The following VMP1 variants were observed in gnomAD, a reference collection of about 807,000 sequenced individuals.
The protein encoded by VMP1 is ectopic P-granules autophagy protein 3 homolog.
Under a neutral mutation model 56.0 loss-of-function variants are expected in VMP1, and 11 were observed. The ratio of observed to expected loss-of-function variants is 0.20; its 90% CI spans 0.12 to 0.32. The LOEUF (loss-of-function observed/expected upper bound fraction) is 0.32, where lower values mean the gene tolerates loss of function less well. Among genes scored for constraint, VMP1 ranks in the 10% least tolerant of loss-of-function variants. The pLI is 1.00. For synonymous variants in VMP1, 149 were observed against 165.0 expected, an observed-to-expected ratio of 0.90 and a Z score of 0.74; for missense variants, 296 against 490.3, an observed-to-expected ratio of 0.60 and a Z score of 3.74.
rs1293561997 is a variant in VMP1, at chr17:59,734,126, G to C, written c.77-1212G>C. 4.6e-5 allele frequency among the ~76,000 whole-genome samples: 7 copies of C among 152,120 alleles called. No homozygotes were observed. The East Asian group carries it at 1.3e-3, about 29-fold the overall frequency. On this transcript the variant is annotated intron_variant, in intron 2 of 11. Coordinates refer to ENST00000262291, the MANE Select transcript of VMP1 (RefSeq NM_030938.5). ...CCAAATTCAACTGCTGGAATTTTCA[G>C]TACCATTTCTTTAGGACATCCTCTA...
chr17:59,742,806 A>T (rs1268225312), intron 5 of VMP1, among the ~76,000 whole-genome samples: 1 of 152,138 alleles, frequency 6.6e-6, no homozygotes, highest in Non-Finnish European at 1.5e-5. Context: ...GATCAGCAGC[A>T]GCATCAGATT....
intron 6 of VMP1, among the ~76,000 whole-genome samples, chr17:59,771,769 G>A (rs928386918): frequency 6.6e-6 from 1 of 151,492 alleles, no homozygotes; most frequent in South Asian, 2.1e-4. Context: ...TTTTTGTAGA[G>A]ACAGCCTCAT....
intron 7 of VMP1, among the ~76,000 whole-genome samples, 172 bp from the exon 8 acceptor site, chr17:59,808,624 G>A (rs974249858): frequency 1.3e-5 from 2 of 152,132 alleles, no homozygotes; most frequent in African/African-American, 2.4e-5. Context: ...GGATGTAATA[G>A]TCTATCATTA....
chr17:59,739,482 TG>T (rs1340825584), intron 5 of VMP1, among the ~76,000 whole-genome samples: 1 of 151,792 alleles, frequency 6.6e-6, no homozygotes, highest in Non-Finnish European at 1.5e-5. Flanking sequence ...CCCAGCACTT[TG>T]GGAGGCCAAG....
chr17:59,819,486 A>T (rs2038362991), intron 10 of VMP1, among the ~76,000 whole-genome samples: 1 of 151,988 alleles, frequency 6.6e-6, no homozygotes, highest in East Asian at 1.9e-4. Context: ...TTTGAGACAG[A>T]GTCTCGCTCC....
rs1034619568 is a variant in VMP1, at chr17:59,761,692, T to A, written c.415-3279T>A. ...CTCTGGGAATTGGTCAGTTTACAAATCCCCAGTAATTATTCTTTTCCCAGT... is the reference window on the plus strand; with the variant it reads ...CTCTGGGAATTGGTCAGTTTACAAAACCCCAGTAATTATTCTTTTCCCAGT... On this transcript the variant is annotated intron_variant, in intron 5 of 11. Coordinates refer to ENST00000262291, the MANE Select transcript of VMP1 (RefSeq NM_030938.5). Among the ~76,000 whole-genome samples, 22 of 152,190 alleles carry A rather than the reference T, an allele frequency of 1.4e-4. 1 individual carries two copies. Among genetic ancestry groups the A allele is most frequent in the Admixed American group, 1.4e-3 (22 of 15,276 alleles).
rs561329206 is a variant in VMP1 at position 59,819,467 on chromosome 17, G to T, written c.974+1694G>T. ...TTCCCTTATGTTTTTGGTTTTTTTT[G>T]TTGTTGTTTTTGAGACAGAGTCTCG... On this transcript the variant is annotated intron_variant, in intron 10 of 11. Coordinates refer to ENST00000262291, the MANE Select transcript of VMP1 (RefSeq NM_030938.5). Among the ~76,000 whole-genome samples the T allele has an allele frequency of 2.7e-5, 4 of 147,504 alleles. No individual in the cohort carries two copies. The South Asian group carries it at 6.2e-4, about 23-fold the overall frequency.
chr17:59,782,574 C>A (rs2036861315), intron 7 of VMP1, among the ~76,000 whole-genome samples: 1 of 152,108 alleles, frequency 6.6e-6, no homozygotes, highest in African/African-American at 2.4e-5. Flanking sequence ...CAAAGTTTAT[C>A]TGACTTTGTT....
intron 5 of VMP1, among the ~76,000 whole-genome samples, chr17:59,759,185 C>T (rs1204386425): frequency 6.6e-6 from 1 of 152,158 alleles, no homozygotes. Flanking sequence ...ACCAGCCTGA[C>T]CAACATGGTG....
At chr17:59,711,237 A>G (rs992598069) in intron 1 of VMP1, among the ~76,000 whole-genome samples, 16 of 151,824 alleles carry the variant, frequency 1.1e-4, no homozygotes, top group Admixed American at 8.5e-4. Flanking sequence ...ATTCTGGGTA[A>G]ATAGCCATTG....
intron 1 of VMP1, among the ~76,000 whole-genome samples, chr17:59,721,551 GAC>G (rs2034396444): frequency 6.6e-6 from 1 of 152,002 alleles, no homozygotes; most frequent in South Asian, 2.1e-4. Context: ...GCAGTTTGAA[GAC>G]ACATACAGTA....
At position 59,765,579 on chromosome 17, in the gene VMP1, T is replaced by C. The variant is rs569320977; in HGVS notation, c.582+441T>C. On this transcript the variant is annotated intron_variant, in intron 6 of 11. Transcript: ENST00000262291. ...TATTTTGTATGTGTTAATACAGTATTGTATACCATATTACAAAGAAAATTA... is the reference window on the plus strand; with the variant it reads ...TATTTTGTATGTGTTAATACAGTATCGTATACCATATTACAAAGAAAATTA... 2.0e-5 allele frequency among the ~76,000 whole-genome samples: 3 copies of C among 152,340 alleles called. No individual in the cohort carries two copies. The South Asian group carries it at 6.2e-4, about 32-fold the overall frequency.
chr17:59,722,779 G>A (rs755395317), intron 1 of VMP1, among the ~76,000 whole-genome samples: 6 of 152,162 alleles, frequency 3.9e-5, no homozygotes, highest in Non-Finnish European at 5.9e-5. Flanking sequence ...GGAAGGTGGC[G>A]GTTGCAGTGA....
chr17:59,751,361 A>G (rs929899832), intron 5 of VMP1, among the ~76,000 whole-genome samples: 10 of 152,148 alleles, frequency 6.6e-5, no homozygotes, highest in African/African-American at 2.4e-4. Flanking sequence ...TAGTAAGTCA[A>G]TGTTTGCATA....
chr17:59,772,050 G>A (rs2036446100), intron 6 of VMP1, among the ~76,000 whole-genome samples: 1 of 150,680 alleles, frequency 6.6e-6, no homozygotes, highest in Non-Finnish European at 1.5e-5. Flanking sequence ...GTCTCGCTTT[G>A]TCACCCATAA....
chr17:59,717,216 C>T (rs1053974509), intron 1 of VMP1, among the ~76,000 whole-genome samples: 2 of 152,192 alleles, frequency 1.3e-5, no homozygotes, highest in East Asian at 1.9e-4. Context: ...GTGATCCGCC[C>T]GCTTCGGCCT....
chr17:59,820,987 T>G (rs1459593111), intron 10 of VMP1, among the ~76,000 whole-genome samples: 1 of 151,324 alleles, frequency 6.6e-6, no homozygotes, highest in Non-Finnish European at 1.5e-5. Flanking sequence ...TTTTTTTTTT[T>G]TGTGACGGAG....
chr17:59,784,392 C>T lies in VMP1; in HGVS notation c.714+10507C>T, dbSNP rs1451656708. On this transcript the variant is annotated intron_variant, in intron 7 of 11. Transcript: ENST00000262291. ...TATGTGCTGCTGGCTTCTTTGTGAA[C>T]TATTTTATGATTCCCTTCCTACCCC... Among the ~76,000 whole-genome samples, 3 of 152,112 alleles carry T rather than the reference C, an allele frequency of 2.0e-5. No homozygotes were observed. In the East Asian group the frequency reaches 5.8e-4, roughly 29 times the overall value.
At chr17:59,821,495 T>C (rs2038447631) in intron 10 of VMP1, among the ~76,000 whole-genome samples, 1 of 152,072 alleles carries the variant, frequency 6.6e-6, no homozygotes, top group African/African-American at 2.4e-5. Flanking sequence ...GATGTCCTTA[T>C]CATTTTCCTA....
Sources: gnomAD v4.1 joint callset for allele counts (sites outside exome capture counted in the v4.1 genomes callset) on GRCh38, gnomAD v4.1.1 for gene constraint, MANE v1.5 for transcripts, NCBI Gene and HGNC (gene_info 2026-07-23, HGNC 2026-07-21) for gene names.